The following RIMS2 variants were observed in gnomAD, a reference collection of about 807,000 sequenced individuals.
RIMS2 encodes regulating synaptic membrane exocytosis 2, also known as regulating synaptic membrane exocytosis protein 2.
RIMS2 carries 59 observed loss-of-function variants against 174.4 expected under a neutral mutation model. The observed-to-expected ratio is 0.34, with a 90% CI of 0.27 to 0.42. The LOEUF (loss-of-function observed/expected upper bound fraction) is 0.42, where lower values mean the gene tolerates loss of function less well. Among genes scored for constraint, RIMS2 ranks in the 10% least tolerant of loss-of-function variants. The probability of loss-of-function intolerance (pLI) is 1.00; values close to 1 mark genes in which losing one functional copy is unlikely to be tolerated. For synonymous variants in RIMS2, 606 were observed against 572.5 expected, an observed-to-expected ratio of 1.06 and a Z score of -0.84; for missense variants, 1,620 against 1,666.3, an observed-to-expected ratio of 0.97 and a Z score of 0.48.
chr8:103,936,433 T>C (rs2081266251), intron 12 of RIMS2, 118 bp from the exon 15 acceptor site: 1 of 597,676 alleles, frequency 1.7e-6, no homozygotes, highest in South Asian at 2.6e-5. Context: ...TTGCAATGTA[T>C]GATAATTTTA....
intron 19 of RIMS2, among the ~76,000 whole-genome samples, chr8:104,130,892 A>G (rs902879018): frequency 2.6e-5 from 4 of 152,190 alleles, no homozygotes; most frequent in African/African-American, 7.2e-5. Context: ...GAAATTAGGC[A>G]GGTATTTCAG....
intron 19 of RIMS2, among the ~76,000 whole-genome samples, chr8:104,204,594 C>T (rs1023095538): frequency 6.6e-6 from 1 of 151,842 alleles, no homozygotes; most frequent in African/African-American, 2.4e-5. Context: ...GAAAAACTGA[C>T]CTCAATTCCT....
At chr8:103,921,646 T>C (rs776389770) in intron 9 of RIMS2, 26 bp from the exon 13 acceptor site, 1 of 874,732 alleles carries the variant, frequency 1.1e-6, no homozygotes, top group South Asian at 1.3e-5. Flanking sequence ...ATTGTTATTA[T>C]TCGTTATGTG....
At chr8:104,044,616 AAATT>A (rs533257716) in intron 19 of RIMS2, among the ~76,000 whole-genome samples, 136 of 151,886 alleles carry the variant, frequency 9.0e-4, no homozygotes, top group African/African-American at 3.2e-3. Flanking sequence ...ATTAAGTTCT[AAATT>A]AATTATCATA....
At chr8:103,998,079 T>C (rs769302193) in intron 17 of RIMS2, 24 of 786,002 alleles carry the variant, frequency 3.1e-5, no homozygotes, top group Non-Finnish European at 4.9e-5. Flanking sequence ...GTGCTTTGCT[T>C]ACTGTCTGCC....
chr8:103,808,265 C>G (rs550440830), intron 3 of RIMS2, among the ~76,000 whole-genome samples: 2 of 152,218 alleles, frequency 1.3e-5, no homozygotes, highest in East Asian at 3.9e-4. Flanking sequence ...CACTCTCTCT[C>G]TTGACTTTTC....
intron 3 of RIMS2, among the ~76,000 whole-genome samples, chr8:103,818,232 G>T (rs575864960): frequency 1.3e-5 from 2 of 152,160 alleles, no homozygotes; most frequent in Non-Finnish European, 2.9e-5. Context: ...AGGGATAAAA[G>T]GGCAAAGAGT....
intron 1 of RIMS2, among the ~76,000 whole-genome samples, chr8:103,618,135 C>T (rs2095549169): frequency 6.6e-6 from 1 of 152,106 alleles, no homozygotes; most frequent in Non-Finnish European, 1.5e-5. Flanking sequence ...GGTACACATA[C>T]TCCATGGAAT....
intron 19 of RIMS2, among the ~76,000 whole-genome samples, chr8:104,197,972 T>A (rs1028942844): frequency 4.6e-5 from 7 of 151,458 alleles, no homozygotes; most frequent in Non-Finnish European, 1.0e-4. Flanking sequence ...ATAATAATAA[T>A]AAAATAAAAA....
chr8:103,622,567 C>T (rs78899313), intron 1 of RIMS2, among the ~76,000 whole-genome samples: 2 of 152,116 alleles, frequency 1.3e-5, no homozygotes, highest in Non-Finnish European at 2.9e-5. Flanking sequence ...CCAATATACC[C>T]TATGATTATA....
chr8:103,692,104 G>A (rs1305900930), intron 1 of RIMS2, among the ~76,000 whole-genome samples: 1 of 152,058 alleles, frequency 6.6e-6, no homozygotes, highest in Non-Finnish European at 1.5e-5. Context: ...GAGGAAGAGT[G>A]ACACAAGTAC....
At chr8:103,914,619 T>C (rs930992564) in intron 6 of RIMS2, among the ~76,000 whole-genome samples, 2 of 152,198 alleles carry the variant, frequency 1.3e-5, no homozygotes, top group African/African-American at 2.4e-5. Context: ...ATTAACTGAA[T>C]TGAAGCTATG....
At chr8:103,783,107 G>A (rs2098406900) in intron 3 of RIMS2, among the ~76,000 whole-genome samples, 1 of 152,076 alleles carries the variant, frequency 6.6e-6, no homozygotes, top group South Asian at 2.1e-4. Context: ...CCTCTTCAAA[G>A]CTCCCTGGTT....
At chr8:103,608,605 C>G (rs554960915) in intron 1 of RIMS2, among the ~76,000 whole-genome samples, 1 of 150,284 alleles carries the variant, frequency 6.7e-6, no homozygotes, top group African/African-American at 2.5e-5. Context: ...TGCCGCCTTG[C>G]AGTTTGATCT....
intron 19 of RIMS2, among the ~76,000 whole-genome samples, chr8:104,026,515 A>T (rs2096261550): frequency 6.6e-6 from 1 of 152,160 alleles, no homozygotes; most frequent in African/African-American, 2.4e-5. Flanking sequence ...TCACCTATTA[A>T]AAAGTCAGAT....
At chr8:104,158,240 T>C (rs550194248) in intron 19 of RIMS2, among the ~76,000 whole-genome samples, 1 of 152,374 alleles carries the variant, frequency 6.6e-6, no homozygotes, top group African/African-American at 2.4e-5. Flanking sequence ...TCCTTTTTTA[T>C]GGCTGCATAG....
chr8:104,030,958 C>A (rs1252671394), intron 19 of RIMS2, among the ~76,000 whole-genome samples: 1 of 151,750 alleles, frequency 6.6e-6, no homozygotes, highest in Non-Finnish European at 1.5e-5. Flanking sequence ...TTGTTATATC[C>A]CTGTACCCAG....
At chr8:103,965,854 A>G (rs1398691608) in intron 15 of RIMS2, among the ~76,000 whole-genome samples, 1 of 152,080 alleles carries the variant, frequency 6.6e-6, no homozygotes, top group Non-Finnish European at 1.5e-5. Context: ...TAGTAAATTC[A>G]GGATGTTAGA....
chr8:103,860,054 C>A (rs2154498674), intron 3 of RIMS2, among the ~76,000 whole-genome samples: 1 of 152,170 alleles, frequency 6.6e-6, no homozygotes, highest in African/African-American at 2.4e-5. Context: ...TTCCATAGGT[C>A]TAATCAACAT....
Sources: gnomAD v4.1 joint callset for allele counts (sites outside exome capture counted in the v4.1 genomes callset) on GRCh38, gnomAD v4.1.1 for gene constraint, MANE v1.5 for transcripts, NCBI Gene and HGNC (gene_info 2026-07-23, HGNC 2026-07-21) for gene names.